The following NXF3 variants were observed in gnomAD, a reference collection of about 807,000 sequenced individuals.
The protein encoded by NXF3 is TAP-like protein 3.
NXF3 carries 34 observed loss-of-function variants against 48.4 expected under a neutral mutation model. That is an observed-to-expected ratio of 0.70 (90% CI 0.53 to 0.93). The LOEUF (loss-of-function observed/expected upper bound fraction) is 0.93. Among genes scored for constraint, NXF3 ranks in the 40% least tolerant of loss-of-function variants. NXF3 has a pLI of 0.00. For missense variants in NXF3, 359 were observed against 406.1 expected, an observed-to-expected ratio of 0.88 and a Z score of 1.00; for synonymous variants, 132 against 145.7, an observed-to-expected ratio of 0.91 and a Z score of 0.68.
Position 103,086,201 on chromosome X carries a change from A to T in NXF3, c.29-1318T>A, listed in dbSNP as rs1040171880. ...TTTGGGAGGCCGAGATGGGCGGATCATGAGGTCAGGAGATCGAGACCATCC... is the reference window on the plus strand; with the variant it reads ...TTTGGGAGGCCGAGATGGGCGGATCTTGAGGTCAGGAGATCGAGACCATCC... On this transcript the variant is annotated intron_variant, in intron 1 of 19. Transcript: ENST00000395065. 3.8e-5 allele frequency among the ~76,000 whole-genome samples: 4 copies of T among 104,476 alleles called. 1 individual carries two copies. In the South Asian group the frequency reaches 1.3e-3, roughly 34 times the overall value. 90.7% of individuals were successfully genotyped at this position (104,476 alleles called of 115,157 possible). A position where few individuals can be genotyped will look rare whatever the true frequency, so the allele number is the denominator to read the frequency against.
intron 5 of NXF3, 48 bp downstream of exon 5, chrX:103,083,350 C>G (rs1191762497): frequency 8.6e-7 from 1 of 1,169,066 alleles, no homozygotes. Flanking sequence ...TTACCCTTGC[C>G]CTGCCCTCTT....
At chrX:103,083,297 G>A in intron 5 of NXF3, 24 bp from the exon 6 acceptor site, 1 of 1,194,743 alleles carries the variant, frequency 8.4e-7, no homozygotes. Flanking sequence ...AAGAGGGGCT[G>A]AGTAAACACT....
rs752900329 is a variant in NXF3, at chrX:103,078,784, T to C, written c.1379-152A>G. The C allele has an allele frequency of 1.0e-5, 9 of 889,773 alleles. No homozygotes were observed. In the East Asian group the frequency reaches 2.8e-4, roughly 28 times the overall value. 73.3% of individuals were successfully genotyped at this position (889,773 alleles called of 1,213,427 possible). A position where few individuals can be genotyped will look rare whatever the true frequency, so the allele number is the denominator to read the frequency against. On this transcript the variant is annotated intron_variant, in intron 16 of 19. Coordinates refer to ENST00000395065, the MANE Select transcript of NXF3 (RefSeq NM_022052.2). ...TGGAGTGAGGCGGATGTGGTAGGAATGGGGAGGGCAACAACAGGAATAATC... is the reference window on the plus strand; with the variant it reads ...TGGAGTGAGGCGGATGTGGTAGGAACGGGGAGGGCAACAACAGGAATAATC...
intron 1 of NXF3, chrX:103,087,651 T>C: frequency 2.0e-6 from 2 of 1,009,432 alleles, no homozygotes; most frequent in Non-Finnish European, 2.8e-6. Context: ...ACATATAGCA[T>C]GAAGAGAAGA....
chrX:103,091,585 G>A (rs755151149), intron 1 of NXF3, among the ~76,000 whole-genome samples: 1 of 109,724 alleles, frequency 9.1e-6, no homozygotes, highest in African/African-American at 3.3e-5. Flanking sequence ...GGTAGGGGGG[G>A]TCCTGGAACC....
intron 16 of NXF3, 87 bp from the exon 17 acceptor site, chrX:103,078,719 A>C (rs1444629473): frequency 8.5e-6 from 10 of 1,179,953 alleles, no homozygotes; most frequent in Non-Finnish European, 1.0e-5. Flanking sequence ...CTTGCTTGAC[A>C]CTCACACAGA....
chrX:103,085,920 A>AG (rs1555972115), intron 1 of NXF3, among the ~76,000 whole-genome samples: 23 of 103,787 alleles, frequency 2.2e-4, no homozygotes, highest in Non-Finnish European at 3.1e-4. Context: ...AAAAAAAAAA[A>AG]AAAGAAAGAA....
chrX:103,086,060 C>T (rs1378141940), intron 1 of NXF3, among the ~76,000 whole-genome samples: 1 of 110,621 alleles, frequency 9.0e-6, no homozygotes, highest in Admixed American at 9.5e-5. Context: ...GATCCGCCCA[C>T]CTTGGCCTCT....
At chrX:103,088,509 A>G in intron 1 of NXF3, 4 of 1,051,015 alleles carry the variant, frequency 3.8e-6, no homozygotes, top group Non-Finnish European at 5.3e-6. Flanking sequence ...AATTCAGTGA[A>G]TAAGAAAGAC....
rs752411648 is a variant in NXF3, at chrX:103,079,554, C to T, written c.1219+30G>A. On this transcript the variant is annotated intron_variant, in intron 14 of 19. Coordinates refer to ENST00000395065, the MANE Select transcript of NXF3 (RefSeq NM_022052.2). ...GATTGTTCCTGTCACACCCCCTTAC[C>T]CTGCCCAGACTTCTCCATCACACAC... The T allele has an allele frequency of 4.2e-6, 5 of 1,200,346 alleles. No homozygotes were observed. In the East Asian group the frequency reaches 1.2e-4, roughly 28 times the overall value.
intron 1 of NXF3, among the ~76,000 whole-genome samples, chrX:103,091,630 ATTTACC>A (rs1183805354): frequency 9.1e-6 from 1 of 110,303 alleles, no homozygotes; most frequent in Non-Finnish European, 1.9e-5. Context: ...AACTGTACTT[ATTTACC>A]TTTATTATTA....
chrX:103,091,709 G>A (rs1236889081), intron 1 of NXF3, among the ~76,000 whole-genome samples: 1 of 110,981 alleles, frequency 9.0e-6, no homozygotes, highest in Non-Finnish European at 1.9e-5. Context: ...GATTAGGCCA[G>A]GCGCGGTGGC....
At chrX:103,083,124 G>A (rs1922057094) in intron 6 of NXF3, 51 bp from the exon 7 acceptor site, 5 of 1,190,219 alleles carry the variant, frequency 4.2e-6, no homozygotes, top group South Asian at 3.5e-5. Context: ...GGTGGTGAAG[G>A]GGGCAATAGG....
At position 103,093,063 on chromosome X, in the gene NXF3, G is replaced by A. The variant is rs749327763; in HGVS notation, c.-40C>T. 5 of 1,161,219 alleles carry A rather than the reference G, an allele frequency of 4.3e-6. No individual in the cohort carries two copies. The African/African-American group carries it at 8.9e-5, about 21-fold the overall frequency. Reference sequence around the variant, plus strand: ...TATAGGGCTCTCTTGAGGAGAATCTGTGTGGCCTGGGGACGGGAGTTTGGA... The same window carrying A: ...TATAGGGCTCTCTTGAGGAGAATCTATGTGGCCTGGGGACGGGAGTTTGGA... On this transcript the variant is annotated 5_prime_UTR_variant, in exon 1 of 20. Coordinates refer to ENST00000395065, the MANE Select transcript of NXF3 (RefSeq NM_022052.2).
chrX:103,081,819 G>A (rs2147592482), intron 9 of NXF3: 1 of 125,750 alleles, frequency 8.0e-6, no homozygotes, highest in Admixed American at 8.1e-5. Context: ...CCTTTTTGGA[G>A]CAAGAGAAGG....
At chrX:103,088,450 G>C in intron 1 of NXF3, 3 of 837,387 alleles carry the variant, frequency 3.6e-6, no homozygotes, top group Non-Finnish European at 5.2e-6. Flanking sequence ...CAAAATGTGG[G>C]AAAAAAATGA....
In NXF3 at chrX:103,093,027, A is replaced by G. The variant is rs1156239527; in HGVS notation, c.-4T>C. Reference sequence around the variant, plus strand: ...TGTGTCCTGAAGGCAGTGACATTTTACCAATGTCCTTATAGGGCTCTCTTG... The same window carrying G: ...TGTGTCCTGAAGGCAGTGACATTTTGCCAATGTCCTTATAGGGCTCTCTTG... On this transcript the variant is annotated 5_prime_UTR_variant, in exon 1 of 20. Transcript: ENST00000395065. The G allele has an allele frequency of 3.3e-6, 4 of 1,205,242 alleles. No homozygotes were observed. Among genetic ancestry groups the G allele is most frequent in the Non-Finnish European group, 4.5e-6 (4 of 891,114 alleles).
chrX:103,092,840 G>C (rs934023245), intron 1 of NXF3, among the ~76,000 whole-genome samples, 156 bp downstream of exon 1: 1 of 112,648 alleles, frequency 8.9e-6, no homozygotes, highest in Non-Finnish European at 1.9e-5. Context: ...GCCCTGAGAA[G>C]GCCACAAGAC....
In NXF3 at chrX:103,084,890, T is replaced by G; in HGVS notation, c.29-7A>C. 8.3e-7 allele frequency: 1 copy of G among 1,203,129 alleles called. No individual in the cohort carries two copies. The highest frequency in any genetic ancestry group is 1.1e-6 in the Non-Finnish European group (1 of 888,406). The stretch of plus-strand genomic sequence containing the variant: ...ACAACTTGATCAGTGTGACCTTAAA[T>G]TAAGAACAGCACATCAACACTTAGA... On this transcript the variant is annotated splice_polypyrimidine_tract_variant and splice_region_variant and intron_variant, in intron 1 of 19. Coordinates refer to ENST00000395065, the MANE Select transcript of NXF3 (RefSeq NM_022052.2).
Sources: gnomAD v4.1 joint callset for allele counts (sites outside exome capture counted in the v4.1 genomes callset) on GRCh38, gnomAD v4.1.1 for gene constraint, MANE v1.5 for transcripts, NCBI Gene and HGNC (gene_info 2026-07-23, HGNC 2026-07-21) for gene names.